Variants in MED12L observed in about 807,000 individuals in gnomAD.
MED12L encodes mediator of RNA polymerase II transcription subunit 12-like protein.
Under a neutral mutation model 281.3 loss-of-function variants are expected in MED12L, and 60 were observed. The ratio of observed to expected loss-of-function variants is 0.21; its 90% CI spans 0.17 to 0.26. The LOEUF is 0.26. Ranked by LOEUF, MED12L falls within the 10% of genes least tolerant of loss-of-function variation. MED12L has a pLI of 1.00. For missense variants in MED12L, 2,146 were observed against 2,680.9 expected (o/e 0.80, Z 4.41); for synonymous variants, 974 against 987.2 (o/e 0.99, Z 0.25).
chr3:151,376,765 AC>A, intron 28 of MED12L, 34 bp from the exon 29 acceptor site: 1 of 1,518,622 alleles, frequency 6.6e-7, no homozygotes, highest in Non-Finnish European at 9.1e-7. Flanking sequence ...CACATTTGAT[AC>A]CCATAATGTT....
chr3:151,230,838 C>T (rs536474338), intron 16 of MED12L, among the ~76,000 whole-genome samples: 4 of 152,284 alleles, frequency 2.6e-5, no homozygotes, highest in Admixed American at 1.3e-4. Flanking sequence ...TAGTGACTTC[C>T]CACTGTCAGT....
chr3:151,280,140 C>T (rs573391735), intron 16 of MED12L, among the ~76,000 whole-genome samples: 27 of 152,222 alleles, frequency 1.8e-4, no homozygotes, highest in Admixed American at 9.8e-4. Context: ...ACAGGTGGTC[C>T]CCTCGTGGCA....
At chr3:151,274,751 G>T (rs928960452) in intron 16 of MED12L, among the ~76,000 whole-genome samples, 2 of 152,092 alleles carry the variant, frequency 1.3e-5, no homozygotes, top group South Asian at 4.1e-4. Flanking sequence ...TGTCATAATT[G>T]AATGACTATC....
chr3:151,246,445 A>T (rs1289414508), intron 16 of MED12L, among the ~76,000 whole-genome samples: 2 of 152,068 alleles, frequency 1.3e-5, no homozygotes, highest in African/African-American at 4.8e-5. Context: ...GGAACAGAAC[A>T]GAGCCCTCAG....
chr3:151,097,592 G>A (rs749560480), intron 2 of MED12L, among the ~76,000 whole-genome samples: 5 of 152,184 alleles, frequency 3.3e-5, no homozygotes, highest in Non-Finnish European at 5.9e-5. Context: ...AGTGCCCCAG[G>A]CCTTCAGTCT....
chr3:151,307,835 A>G (rs73157966), intron 16 of MED12L, among the ~76,000 whole-genome samples: 2,755 of 152,156 alleles, frequency 0.018, 33 homozygotes, highest in Non-Finnish European at 0.029. Context: ...GGCCTAGTGG[A>G]GTGTCAGAAG....
At chr3:151,407,905 A>G (rs574990059) in intron 39 of MED12L, among the ~76,000 whole-genome samples, 1 of 152,314 alleles carries the variant, frequency 6.6e-6, no homozygotes, top group South Asian at 2.1e-4. Flanking sequence ...TAACTGTCTT[A>G]GGTATGCATT....
intron 32 of MED12L, 72 bp from the exon 33 acceptor site, chr3:151,382,584 G>T (rs904224181): frequency 9.3e-7 from 1 of 1,075,268 alleles, no homozygotes; most frequent in Admixed American, 2.3e-5. Context: ...TTTGCTATCA[G>T]TATAAAGCTC....
At chr3:151,175,679 G>C (rs1215252180) in intron 11 of MED12L, among the ~76,000 whole-genome samples, 1 of 152,112 alleles carries the variant, frequency 6.6e-6, no homozygotes, top group African/African-American at 2.4e-5. Flanking sequence ...CAACTATTAG[G>C]TTATTGAATT....
chr3:151,142,842 A>G (rs924044156), intron 5 of MED12L, among the ~76,000 whole-genome samples: 1 of 152,074 alleles, frequency 6.6e-6, no homozygotes, highest in Non-Finnish European at 1.5e-5. Context: ...ATTAAAAAGA[A>G]GTACATTAGG....
Position 151,309,159 on chromosome 3 carries a change from A to AC in MED12L, c.2251-40900_2251-40899insC, listed in dbSNP as rs1577297138. ...CACACACGCACACACACACACACAC[A>AC]ACGTTTCTTCAAAGTAATTCATACT... On this transcript the variant is annotated intron_variant, in intron 16 of 44. Transcript: ENST00000687756. Among the ~76,000 whole-genome samples the AC allele has an allele frequency of 2.7e-5, 4 of 150,940 alleles. No homozygotes were observed. In the East Asian group the frequency reaches 5.8e-4, roughly 22 times the overall value.
chr3:151,335,314 T>C (rs1366676554), intron 16 of MED12L, among the ~76,000 whole-genome samples: 1 of 152,176 alleles, frequency 6.6e-6, no homozygotes, highest in Admixed American at 6.5e-5. Flanking sequence ...CATTCTACTC[T>C]CATAAATATG....
chr3:151,163,775 TA>T, intron 8 of MED12L, 117 bp from the exon 9 acceptor site: 2 of 1,022,224 alleles, frequency 2.0e-6, no homozygotes. Context: ...TCTCGTATTT[TA>T]AACTTACTAG....
At chr3:151,263,684 G>A (rs1739307300) in intron 16 of MED12L, among the ~76,000 whole-genome samples, 2 of 152,114 alleles carry the variant, frequency 1.3e-5, no homozygotes, top group Non-Finnish European at 2.9e-5. Context: ...AGTGAATAAG[G>A]ACTCATCTCT....
chr3:151,162,127 T>C (rs887704572), intron 8 of MED12L, among the ~76,000 whole-genome samples: 2 of 152,184 alleles, frequency 1.3e-5, no homozygotes, highest in African/African-American at 2.4e-5. Context: ...CAGATTTGAA[T>C]GTATTTTTGG....
intron 16 of MED12L, among the ~76,000 whole-genome samples, chr3:151,195,109 G>T (rs1724479071): frequency 6.6e-6 from 1 of 151,436 alleles, no homozygotes; most frequent in South Asian, 2.1e-4. Flanking sequence ...CTTGCAGTGA[G>T]CCGAGATCAC....
At chr3:151,226,939 A>T (rs1032744852) in intron 16 of MED12L, among the ~76,000 whole-genome samples, 14 of 152,246 alleles carry the variant, frequency 9.2e-5, no homozygotes, top group African/African-American at 3.4e-4. Flanking sequence ...GGAGAAACCC[A>T]GATCTGCTGC....
At chr3:151,157,310 A>T (rs929865397) in intron 6 of MED12L, among the ~76,000 whole-genome samples, 3 of 152,052 alleles carry the variant, frequency 2.0e-5, no homozygotes, top group Non-Finnish European at 4.4e-5. Flanking sequence ...TAAAATTTAA[A>T]TGTTCATTAT....
At position 151,335,096 on chromosome 3, in the gene MED12L, G is replaced by A. The variant is rs540894722; in HGVS notation, c.2251-14963G>A. 2.6e-5 allele frequency among the ~76,000 whole-genome samples: 4 copies of A among 151,992 alleles called. No homozygotes were observed. In the East Asian group the frequency reaches 7.7e-4, roughly 29 times the overall value. On this transcript the variant is annotated intron_variant, in intron 16 of 44. Transcript: ENST00000687756. ...TGTAATGGTCAAATCAGGGTAACTGGGATATCCATCACCTCAGGCATTCAT... is the reference window on the plus strand; with the variant it reads ...TGTAATGGTCAAATCAGGGTAACTGAGATATCCATCACCTCAGGCATTCAT...
Sources: gnomAD v4.1 joint callset for allele counts (sites outside exome capture counted in the v4.1 genomes callset) on GRCh38, gnomAD v4.1.1 for gene constraint, MANE v1.5 for transcripts, NCBI Gene and HGNC (gene_info 2026-07-23, HGNC 2026-07-21) for gene names.